The following EFCAB6 variants were observed in gnomAD, a reference collection of about 807,000 sequenced individuals.
EFCAB6 encodes EF-hand calcium binding domain 6, also known as EF-hand calcium-binding domain-containing protein 6.
In EFCAB6, 156 loss-of-function variants were observed where a neutral mutation model predicts 169.8. That is an observed-to-expected ratio of 0.92 (90% CI 0.81 to 1.05). EFCAB6 has a LOEUF of 1.05. EFCAB6 is among the 50% of genes least tolerant of loss of function. The pLI is 0.00. For missense variants in EFCAB6, 1,800 were observed against 1,829.1 expected (o/e 0.98, Z 0.29); for synonymous variants, 698 against 676.4 (o/e 1.03, Z -0.50).
intron 24 of EFCAB6, among the ~76,000 whole-genome samples, chr22:43,587,547 C>A (rs2051158161): frequency 6.6e-6 from 1 of 152,190 alleles, no homozygotes; most frequent in South Asian, 2.1e-4. Flanking sequence ...GTGGCCACAT[C>A]ACTCTACTCT....
chr22:43,552,505 C>T (rs994388037), intron 27 of EFCAB6: 2 of 152,190 alleles, frequency 1.3e-5, no homozygotes, highest in Admixed American at 6.5e-5. Context: ...GCCATTCTGA[C>T]TGGCGTGAGA....
At position 43,626,785 on chromosome 22, in the gene EFCAB6, T is replaced by G. The variant is rs567859957; in HGVS notation, c.2233-106A>C. ...TCATCTCCACGCGAGGAGGGGCAGC[T>G]TGGCTGGGCCCCAACTATTGCTTTT... On this transcript the variant is annotated intron_variant, in intron 19 of 31. Transcript: ENST00000262726. 5.2e-4 allele frequency: 524 copies of G among 1,011,964 alleles called. 9 individuals are homozygous for G. In the South Asian group the frequency reaches 7.4e-3, roughly 14 times the overall value. 62.7% of individuals were successfully genotyped at this position (1,011,964 alleles called of 1,614,324 possible).
rs552883535 is a variant in EFCAB6 at position 43,672,073 on chromosome 22, G to C, written c.1540C>G (p.Arg514Gly). The stretch of plus-strand genomic sequence containing the variant: ...CCTGTGTCTCCAAGGTCATATGAGC[G>C]TAGCATGTTATAAAAAGCTTGTAGG... ...RNLQAFYNML[R>G]SYDLGDTGRI... is the part of the protein sequence containing the mutation. Residue 514 changes from arginine (R) to glycine (G), a missense_variant, in exon 15 of 32, where the codon CGC (arginine) becomes GGC (glycine). Coordinates refer to ENST00000262726, the MANE Select transcript of EFCAB6 (RefSeq NM_022785.4). 6.2e-7 allele frequency: 1 copy of C among 1,614,044 alleles called. No individual in the cohort carries two copies. Among genetic ancestry groups the C allele is most frequent in the South Asian group, 1.1e-5 (1 of 91,012 alleles).
At chr22:43,547,211 G>A (rs554410884) in intron 27 of EFCAB6, among the ~76,000 whole-genome samples, 4 of 152,250 alleles carry the variant, frequency 2.6e-5, no homozygotes, top group South Asian at 2.1e-4. Context: ...GCCCTGTAGC[G>A]CTCATGAGGA....
In EFCAB6 at chr22:43,633,187, G is replaced by A. The variant is rs151040532; in HGVS notation, c.2099-949C>T. Among the ~76,000 whole-genome samples, 41 of 152,284 alleles carry A rather than the reference G, an allele frequency of 2.7e-4. 1 individual carries two copies. The South Asian group carries it at 3.1e-3, about 12-fold the overall frequency. On this transcript the variant is annotated intron_variant, in intron 18 of 31. Transcript: ENST00000262726. ...TCCAGGCTGTCTGATACTAAGACCC[G>A]TTGGTTCCCTACTGCCTATGCCCTC... is the stretch of plus-strand genomic sequence containing the variant.
At chr22:43,637,952 A>G (rs2055535593) in intron 17 of EFCAB6, among the ~76,000 whole-genome samples, 1 of 152,226 alleles carries the variant, frequency 6.6e-6, no homozygotes, top group African/African-American at 2.4e-5. Context: ...TCGTAAGGAA[A>G]TGTCTGCAGG....
intron 17 of EFCAB6, among the ~76,000 whole-genome samples, chr22:43,643,901 G>A (rs2055972952): frequency 6.6e-6 from 1 of 151,512 alleles, no homozygotes; most frequent in Non-Finnish European, 1.5e-5. Context: ...TCGGCTCACT[G>A]CAAGCTCTGC....
chr22:43,630,432 C>A (rs1482503037), intron 19 of EFCAB6, among the ~76,000 whole-genome samples: 2 of 152,214 alleles, frequency 1.3e-5, no homozygotes, highest in African/African-American at 4.8e-5. Context: ...TTGGCTGTAG[C>A]CAAGCTTCAC....
chr22:43,685,361 C>T (rs1237342871), intron 11 of EFCAB6, among the ~76,000 whole-genome samples: 1 of 152,092 alleles, frequency 6.6e-6, no homozygotes, highest in East Asian at 1.9e-4. Flanking sequence ...GGAAGATTTG[C>T]CCTCAGTGTT....
intron 23 of EFCAB6, 139 bp downstream of exon 23, chr22:43,599,930 C>A (rs139694981): frequency 6.3e-6 from 6 of 956,500 alleles, no homozygotes; most frequent in Admixed American, 4.7e-5. Context: ...TTTCTAGAAT[C>A]GACAACTGTG....
intron 17 of EFCAB6, among the ~76,000 whole-genome samples, chr22:43,658,730 T>A (rs182501385): frequency 2.6e-5 from 4 of 152,038 alleles, no homozygotes; most frequent in African/African-American, 9.7e-5. Context: ...TGCTGGAGGA[T>A]GGAGGAATAA....
At chr22:43,752,116 A>ATTTTTTTT (rs33992120) in intron 6 of EFCAB6, among the ~76,000 whole-genome samples, 1 of 123,454 alleles carries the variant, frequency 8.1e-6, no homozygotes, top group Non-Finnish European at 1.6e-5. Context: ...TCTCCTTTCC[A>ATTTTTTTT]TTTTTTTTTT....
rs544444734 is a variant in EFCAB6 at position 43,646,001 on chromosome 22, A to G, written c.1984-10785T>C. 2.6e-5 allele frequency among the ~76,000 whole-genome samples: 4 copies of G among 152,360 alleles called. No homozygotes were observed. In the East Asian group the frequency reaches 7.7e-4, roughly 29 times the overall value. ...GATCCAGAACCCAGCTTGGGTCTAC[A>G]TACACATGTAAAATCTCAGCGTGTT... On this transcript the variant is annotated intron_variant, in intron 17 of 31. Coordinates refer to ENST00000262726, the MANE Select transcript of EFCAB6 (RefSeq NM_022785.4).
At chr22:43,662,202 A>AATT (rs1302432235) in intron 17 of EFCAB6, among the ~76,000 whole-genome samples, 9 of 138,206 alleles carry the variant, frequency 6.5e-5, no homozygotes, top group Admixed American at 3.6e-4. Context: ...TAATAATAAT[A>AATT]ATTTATAGAG....
intron 24 of EFCAB6, among the ~76,000 whole-genome samples, chr22:43,582,701 G>T (rs1163448628): frequency 6.6e-6 from 1 of 152,130 alleles, no homozygotes; most frequent in Non-Finnish European, 1.5e-5. Context: ...AGGAAAATGT[G>T]GCAGGGGGTG....
chr22:43,670,641 C>T (rs549871250), intron 15 of EFCAB6, among the ~76,000 whole-genome samples: 8 of 152,178 alleles, frequency 5.3e-5, no homozygotes, highest in Non-Finnish European at 1.0e-4. Flanking sequence ...GTATTATAAT[C>T]GCTCCCATAA....
At chr22:43,784,662 T>TAC (rs773167411) in intron 2 of EFCAB6, among the ~76,000 whole-genome samples, 14 of 84,590 alleles carry the variant, frequency 1.7e-4, no homozygotes, top group Admixed American at 5.3e-4. Context: ...TGTGTATATA[T>TAC]ACATATACAT....
In EFCAB6 at chr22:43,736,854, T is replaced by G. The variant is rs546936105; in HGVS notation, c.508-861A>C. Among the ~76,000 whole-genome samples, 3 of 152,160 alleles carry G rather than the reference T, an allele frequency of 2.0e-5. No homozygotes were observed. The South Asian group carries it at 6.2e-4, about 32-fold the overall frequency. Reference sequence around the variant, plus strand: ...CTTGTTATTACGAAGGACTGCTGACTCTGCACAATCCAGCCCCACGCTGCA... The same window carrying G: ...CTTGTTATTACGAAGGACTGCTGACGCTGCACAATCCAGCCCCACGCTGCA... On this transcript the variant is annotated intron_variant, in intron 6 of 31. Coordinates refer to ENST00000262726, the MANE Select transcript of EFCAB6 (RefSeq NM_022785.4).
chr22:43,799,383 CAT>C (rs1185870093), intron 2 of EFCAB6, among the ~76,000 whole-genome samples: 2 of 150,862 alleles, frequency 1.3e-5, no homozygotes, highest in South Asian at 2.1e-4. Flanking sequence ...TCAAATTATA[CAT>C]GTGTTAAAAT....
Sources: allele counts gnomAD v4.1 joint callset (sites outside exome capture counted in the v4.1 genomes callset), GRCh38; gene constraint gnomAD v4.1.1; transcripts MANE v1.5; gene names NCBI Gene and HGNC (gene_info 2026-07-23, HGNC 2026-07-21).